The following SNTG1 variants were observed in gnomAD, a reference collection of about 807,000 sequenced individuals.
The protein encoded by SNTG1 is gamma-1-syntrophin.
Under a neutral mutation model 74.7 loss-of-function variants are expected in SNTG1, and 39 were observed. The ratio of observed to expected loss-of-function variants is 0.52; its 90% CI spans 0.40 to 0.68. The LOEUF (loss-of-function observed/expected upper bound fraction) is 0.68, where lower values mean the gene tolerates loss of function less well. SNTG1 is among the 30% of genes least tolerant of loss of function. SNTG1 has a pLI of 0.00. For missense variants in SNTG1, 685 were observed against 609.5 expected, an observed-to-expected ratio of 1.12 and a Z score of -1.30; for synonymous variants, 254 against 217.1, an observed-to-expected ratio of 1.17 and a Z score of -1.49.
chr8:50,297,419 A>AT (rs756726175), intron 2 of SNTG1, among the ~76,000 whole-genome samples: 36 of 151,994 alleles, frequency 2.4e-4, no homozygotes, highest in Non-Finnish European at 2.6e-4. Flanking sequence ...CCAGCACACA[A>AT]TTTTTTTTCT....
At chr8:50,780,663 T>A (rs2095656484) in intron 18 of SNTG1, among the ~76,000 whole-genome samples, 1 of 152,190 alleles carries the variant, frequency 6.6e-6, no homozygotes, top group Non-Finnish European at 1.5e-5. Context: ...AGCTCCTGGA[T>A]TCTTTAATTT....
chr8:50,136,620 C>T (rs2081484071), intron 1 of SNTG1, among the ~76,000 whole-genome samples: 1 of 152,148 alleles, frequency 6.6e-6, no homozygotes, highest in Non-Finnish European at 1.5e-5. Context: ...CCCACACCTG[C>T]TACTGATAGC....
At chr8:50,653,006 T>C (rs753039413) in intron 13 of SNTG1, among the ~76,000 whole-genome samples, 4 of 151,434 alleles carry the variant, frequency 2.6e-5, no homozygotes, top group Non-Finnish European at 4.4e-5. Flanking sequence ...GGTCTCTGTT[T>C]GGTATAATTT....
chr8:49,928,743 A>G (rs780358203), intron 1 of SNTG1, among the ~76,000 whole-genome samples: 31 of 152,234 alleles, frequency 2.0e-4, no homozygotes, highest in Admixed American at 1.0e-3. Flanking sequence ...ATTAAGAAAT[A>G]CTTTTCCCCA....
chr8:50,191,311 T>C (rs956011165), intron 2 of SNTG1, among the ~76,000 whole-genome samples: 4 of 152,128 alleles, frequency 2.6e-5, no homozygotes, highest in African/African-American at 9.7e-5. Context: ...TTTTGGTTCA[T>C]CAGAAGCAGT....
At chr8:50,362,012 G>C (rs1410121811) in intron 2 of SNTG1, among the ~76,000 whole-genome samples, 2 of 152,206 alleles carry the variant, frequency 1.3e-5, no homozygotes, top group Non-Finnish European at 2.9e-5. Flanking sequence ...GAGTCAGTGA[G>C]TGAACATCTC....
intron 1 of SNTG1, among the ~76,000 whole-genome samples, chr8:50,048,933 C>T (rs544066208): frequency 5.9e-5 from 9 of 151,814 alleles, no homozygotes; most frequent in South Asian, 2.1e-4. Context: ...ATGTCATTTA[C>T]GATTGATGCA....
At chr8:49,967,430 T>G (rs2129859713) in intron 1 of SNTG1, among the ~76,000 whole-genome samples, 1 of 152,328 alleles carries the variant, frequency 6.6e-6, no homozygotes, top group Non-Finnish European at 1.5e-5. Context: ...TTCTGTATTG[T>G]TTACTTTCTG....
chr8:50,185,265 C>A (rs867231621), intron 2 of SNTG1, among the ~76,000 whole-genome samples: 1 of 152,160 alleles, frequency 6.6e-6, no homozygotes, highest in Non-Finnish European at 1.5e-5. Flanking sequence ...TATCACATAA[C>A]CCCTGCTGGC....
chr8:50,454,234 T>C (rs528613912), intron 8 of SNTG1, among the ~76,000 whole-genome samples: 57 of 152,168 alleles, frequency 3.7e-4, no homozygotes, highest in Admixed American at 2.9e-3. Context: ...CGGTGGCTCA[T>C]GCCTGTAATC....
At chr8:50,742,221 C>T (rs77238225) in intron 17 of SNTG1, among the ~76,000 whole-genome samples, 2,945 of 152,018 alleles carry the variant, frequency 0.019, 85 homozygotes, top group African/African-American at 0.063. Context: ...GTTGAATACA[C>T]ATTTTTCTGA....
chr8:50,654,595 T>G (rs543141974), intron 13 of SNTG1, among the ~76,000 whole-genome samples: 3 of 152,364 alleles, frequency 2.0e-5, no homozygotes, highest in Non-Finnish European at 2.9e-5. Flanking sequence ...ATTCTCCTGA[T>G]GTACTTCATG....
chr8:50,659,554 C>T lies in SNTG1; in HGVS notation c.1038+891C>T, dbSNP rs531480814. On this transcript the variant is annotated intron_variant, in intron 15 of 18. Transcript: ENST00000642720. ...GGCAGAGAGACAAAAATTATAATTA[C>T]CTCAAAATTGTTTATAGTTTCTGTT... 4.2e-4 allele frequency among the ~76,000 whole-genome samples: 64 copies of T among 152,284 alleles called. 1 individual carries two copies. The highest frequency in any genetic ancestry group is 1.5e-3 in the African/African-American group (64 of 41,564).
rs1563770186 is a variant in SNTG1 at position 50,708,905 on chromosome 8, T to C, written c.1211T>C (p.Val404Ala). 6.2e-7 allele frequency: 1 copy of C among 1,613,530 alleles called. No homozygotes were observed. The highest frequency in any genetic ancestry group is 1.3e-5 in the African/African-American group (1 of 75,050). The change falls in exon 17 of 19, where the codon GTG becomes GCG. Residue 404 changes from valine (V) to alanine (A), a missense_variant. Coordinates refer to ENST00000642720, the MANE Select transcript of SNTG1 (RefSeq NM_018967.5). ...ACCTAGTGCAAGACCTATGCATGTG[T>C]GCTAGAAAGTCATCTAATGGGACTC... Reference protein sequence around the residue: ...ERIQCKTYACVLESHLMGLTI... With the variant: ...ERIQCKTYACALESHLMGLTI...
intron 1 of SNTG1, among the ~76,000 whole-genome samples, chr8:50,135,501 T>C (rs2081443034): frequency 6.6e-6 from 1 of 152,196 alleles, no homozygotes; most frequent in South Asian, 2.1e-4. Context: ...TAATATGTAG[T>C]GGATATTAAA....
chr8:49,919,497 G>C (rs1436356971), intron 1 of SNTG1, among the ~76,000 whole-genome samples: 1 of 152,074 alleles, frequency 6.6e-6, no homozygotes, highest in Non-Finnish European at 1.5e-5. Context: ...TTTATCTACT[G>C]CTGAGGGAAT....
intron 1 of SNTG1, among the ~76,000 whole-genome samples, chr8:50,014,171 G>A (rs1282720418): frequency 6.6e-6 from 1 of 152,108 alleles, no homozygotes; most frequent in Admixed American, 6.6e-5. Flanking sequence ...ATTGCAGACA[G>A]CAGACAGATG....
chr8:50,688,578 A>T (rs2095363255), intron 15 of SNTG1, among the ~76,000 whole-genome samples: 1 of 152,078 alleles, frequency 6.6e-6, no homozygotes, highest in African/African-American at 2.4e-5. Context: ...GATATGCGGC[A>T]TTATTTCTGA....
intron 1 of SNTG1, among the ~76,000 whole-genome samples, chr8:49,969,958 G>T (rs1811513386): frequency 6.6e-6 from 1 of 151,662 alleles, no homozygotes; most frequent in Non-Finnish European, 1.5e-5. Flanking sequence ...TTTCAGGCTG[G>T]TGTGCTATTG....
Sources: allele counts gnomAD v4.1 joint callset (sites outside exome capture counted in the v4.1 genomes callset), GRCh38; gene constraint gnomAD v4.1.1; transcripts MANE v1.5; gene names NCBI Gene and HGNC (gene_info 2026-07-23, HGNC 2026-07-21).